The following DOCK5 variants were observed in gnomAD, a reference collection of about 807,000 sequenced individuals.
DOCK5 encodes the protein dedicator of cytokinesis protein 5.
In DOCK5, 142 loss-of-function variants were observed where a neutral mutation model predicts 251.8. That is an observed-to-expected ratio of 0.56 (90% confidence interval 0.49 to 0.65). The LOEUF is 0.65. DOCK5 is among the 30% of genes least tolerant of loss of function. The pLI, the probability that DOCK5 is intolerant of heterozygous loss-of-function variation, is 0.00. For synonymous variants in DOCK5, 842 were observed against 835.5 expected (o/e 1.01, Z -0.13); for missense variants, 2,111 against 2,312.3 (o/e 0.91, Z 1.79).
chr8:25,216,273 C>T (rs201810004), intron 1 of DOCK5, among the ~76,000 whole-genome samples: 524 of 812 alleles, frequency 0.65, 126 homozygotes, highest in African/African-American at 0.67. Context: ...ACAATATGTG[C>T]ATACAATATG....
chr8:25,346,139 C>T (rs563827374), intron 26 of DOCK5, among the ~76,000 whole-genome samples: 21 of 149,870 alleles, frequency 1.4e-4, no homozygotes, highest in Non-Finnish European at 2.7e-4. Context: ...CATGAGCCAT[C>T]GCGCCCAGCC....
intron 2 of DOCK5, among the ~76,000 whole-genome samples, chr8:25,263,698 G>T (rs1429475722): frequency 6.6e-6 from 1 of 151,444 alleles, no homozygotes; most frequent in Admixed American, 6.6e-5. Flanking sequence ...CCCCACTTAG[G>T]CTCTGACACC....
In DOCK5 at chr8:25,184,719, G is replaced by T; in HGVS notation, c.-190G>T. On this transcript the variant is annotated 5_prime_UTR_variant, in exon 1 of 52. Transcript: ENST00000276440. ...TGCGCTGCAGCCCGGCCCAGCAGGTGACCGCGGGCGGCGCGGGCACGGGCA... is the reference window on the plus strand; with the variant it reads ...TGCGCTGCAGCCCGGCCCAGCAGGTTACCGCGGGCGGCGCGGGCACGGGCA... 2 of 266,292 alleles carry T rather than the reference G, an allele frequency of 7.5e-6. No individual in the cohort carries two copies. The highest frequency in any genetic ancestry group is 2.9e-4 in the South Asian group (2 of 6,890). 16.5% of individuals were successfully genotyped at this position (266,292 alleles called of 1,614,324 possible). A position where few individuals can be genotyped will look rare whatever the true frequency, so the allele number is the denominator to read the frequency against.
At chr8:25,275,866 A>G (rs1176259977) in intron 4 of DOCK5, among the ~76,000 whole-genome samples, 1 of 152,164 alleles carries the variant, frequency 6.6e-6, no homozygotes, top group Non-Finnish European at 1.5e-5. Flanking sequence ...AATTTCTCTC[A>G]TCTCATCAGT....
chr8:25,390,116 T>A, intron 41 of DOCK5, 90 bp from the exon 42 acceptor site: 6 of 1,122,878 alleles, frequency 5.3e-6, no homozygotes, highest in Admixed American at 2.5e-5. Flanking sequence ...CTGGTGGCAT[T>A]TCCGGCTGTG....
At position 25,377,429 on chromosome 8, in the gene DOCK5, G is replaced by A; in HGVS notation, c.3936+5G>A. Reference sequence around the variant, plus strand: ...TCATATTTCGACAAAGGCAAAGTGAGTATTGGATTGTTTTTGTACTAGGGG... The same window carrying A: ...TCATATTTCGACAAAGGCAAAGTGAATATTGGATTGTTTTTGTACTAGGGG... On this transcript the variant is annotated splice_donor_5th_base_variant and intron_variant, in intron 38 of 51. Transcript: ENST00000276440. The A allele has an allele frequency of 6.2e-7, 1 of 1,612,260 alleles. No individual in the cohort carries two copies. Among genetic ancestry groups the A allele is most frequent in the Non-Finnish European group, 8.5e-7 (1 of 1,179,116 alleles).
chr8:25,341,861 C>T (rs1439951518), intron 24 of DOCK5, 52 bp downstream of exon 24: 77 of 1,440,368 alleles, frequency 5.3e-5, no homozygotes, highest in Non-Finnish European at 6.8e-5. Flanking sequence ...AACAGCTCCC[C>T]TGCTTGGCTG....
chr8:25,284,093 A>G (rs1369568131), intron 5 of DOCK5, among the ~76,000 whole-genome samples: 1 of 152,212 alleles, frequency 6.6e-6, no homozygotes, highest in African/African-American at 2.4e-5. Context: ...CTGAAAATAA[A>G]CCAAAACAGA....
chr8:25,399,471 G>A (rs540091725), intron 45 of DOCK5, among the ~76,000 whole-genome samples: 8 of 152,250 alleles, frequency 5.3e-5, no homozygotes, highest in South Asian at 4.1e-4. Context: ...CCAATGTCAC[G>A]GGACGAGCAG....
intron 8 of DOCK5, among the ~76,000 whole-genome samples, chr8:25,299,803 A>G (rs1804714192): frequency 6.6e-6 from 1 of 152,194 alleles, no homozygotes; most frequent in African/African-American, 2.4e-5. Context: ...AAGAAAATGG[A>G]GAATTTATTT....
chr8:25,402,884 C>T (rs1342923026), intron 47 of DOCK5, among the ~76,000 whole-genome samples: 6 of 152,176 alleles, frequency 3.9e-5, no homozygotes, highest in South Asian at 2.1e-4. Context: ...TCTTTTTGAG[C>T]GTGTCTTTCA....
rs756048818 is a variant in DOCK5 at position 25,377,599 on chromosome 8, C to T, written c.3936+175C>T. Among the ~76,000 whole-genome samples, 6 of 152,322 alleles carry T rather than the reference C, an allele frequency of 3.9e-5. No homozygotes were observed. In the South Asian group the frequency reaches 1.2e-3, roughly 32 times the overall value. On this transcript the variant is annotated intron_variant, in intron 38 of 51. Coordinates refer to ENST00000276440, the MANE Select transcript of DOCK5 (RefSeq NM_024940.8). Reference sequence around the variant, plus strand: ...TCTTCAAATTTGGGGGTCCCCAGTCCATTCACAGTTCTGGGCAACTGGGTA... The same window carrying T: ...TCTTCAAATTTGGGGGTCCCCAGTCTATTCACAGTTCTGGGCAACTGGGTA...
intron 26 of DOCK5, among the ~76,000 whole-genome samples, chr8:25,349,843 A>G (rs1419552157): frequency 6.6e-6 from 1 of 152,196 alleles, no homozygotes; most frequent in East Asian, 1.9e-4. Context: ...TGGGTAAACA[A>G]AAATCTCAGA....
At chr8:25,368,505 G>T in intron 32 of DOCK5, 66 bp from the exon 33 acceptor site, 1 of 1,508,504 alleles carries the variant, frequency 6.6e-7, no homozygotes, top group East Asian at 2.3e-5. Context: ...AACTTGTGGA[G>T]GAAGATTTTA....
intron 1 of DOCK5, among the ~76,000 whole-genome samples, chr8:25,188,092 C>T (rs1360289026): frequency 2.6e-5 from 4 of 152,202 alleles, no homozygotes; most frequent in South Asian, 4.1e-4. Flanking sequence ...AGTACACTAA[C>T]CTAGCTTGTC....
intron 37 of DOCK5, chr8:25,376,116 A>AAG: frequency 1.0e-6 from 1 of 984,946 alleles, no homozygotes; most frequent in South Asian, 4.7e-5. Flanking sequence ...AAAAAAAAAA[A>AAG]AAAAGCAACC....
intron 23 of DOCK5, 71 bp downstream of exon 23, chr8:25,341,059 G>T: frequency 1.7e-6 from 2 of 1,172,270 alleles, no homozygotes; most frequent in Non-Finnish European, 2.5e-6. Flanking sequence ...GCTTAGAATT[G>T]GCCATCATGA....
intron 3 of DOCK5, among the ~76,000 whole-genome samples, chr8:25,269,864 C>T (rs1252039083): frequency 6.6e-6 from 1 of 152,104 alleles, no homozygotes; most frequent in Admixed American, 6.6e-5. Flanking sequence ...AAAACCAGAC[C>T]CACGGTTCTT....
At chr8:25,229,138 G>A (rs1048287117) in intron 1 of DOCK5, among the ~76,000 whole-genome samples, 48 of 151,966 alleles carry the variant, frequency 3.2e-4, no homozygotes, top group African/African-American at 1.0e-3. Context: ...ACGAAAAGTC[G>A]CAGATGCAGG....
Sources: gnomAD v4.1 joint callset for allele counts (sites outside exome capture counted in the v4.1 genomes callset) on GRCh38, gnomAD v4.1.1 for gene constraint, MANE v1.5 for transcripts, NCBI Gene and HGNC (gene_info 2026-07-23, HGNC 2026-07-21) for gene names.